The following COBL variants were observed in gnomAD, a reference collection of about 807,000 sequenced individuals.
COBL encodes cordon-bleu WH2 repeat protein.
In COBL, 51 loss-of-function variants were observed where a neutral mutation model predicts 98.8. The observed-to-expected ratio is 0.52, with a 90% CI of 0.41 to 0.65. The LOEUF (loss-of-function observed/expected upper bound fraction) is 0.65, where lower values mean the gene tolerates loss of function less well. Among genes scored for constraint, COBL ranks in the 30% least tolerant of loss-of-function variants. COBL has a pLI of 0.00. For missense variants in COBL, 1,617 were observed against 1,617.5 expected, an observed-to-expected ratio of 1.00 and a Z score of 0.01; for synonymous variants, 634 against 651.7, an observed-to-expected ratio of 0.97 and a Z score of 0.41.
Position 51,028,914 on chromosome 7 carries a change from TGGAGAG to T in COBL, c.2176_2181del (p.Leu726_Ser727del). On this transcript the variant is annotated inframe_deletion, in exon 10 of 13. Coordinates refer to ENST00000265136, the MANE Select transcript of COBL (RefSeq NM_015198.5). ...AGCTCGTCAATCTTAATGGCTCCGGTGGAGAGGGACACATCTCTGTCGTAACATCGC... is the reference window on the plus strand; with the variant it reads ...AGCTCGTCAATCTTAATGGCTCCGGTGGACACATCTCTGTCGTAACATCGC... The T allele has an allele frequency of 6.2e-7, 1 of 1,614,160 alleles. No homozygotes were observed. Among genetic ancestry groups the T allele is most frequent in the Non-Finnish European group, 8.5e-7 (1 of 1,180,018 alleles).
intron 1 of COBL, among the ~76,000 whole-genome samples, chr7:51,278,796 C>T (rs1799547959): frequency 6.6e-6 from 1 of 152,180 alleles, no homozygotes; most frequent in African/African-American, 2.4e-5. Context: ...GAAAATGACA[C>T]CAATCATCTA....
chr7:51,031,636 T>C (rs1486301408), intron 8 of COBL: 1 of 152,378 alleles, frequency 6.6e-6, no homozygotes, highest in Non-Finnish European at 1.5e-5. Flanking sequence ...ACCCTAGCAG[T>C]AGCCCACCCT....
intron 7 of COBL, among the ~76,000 whole-genome samples, chr7:51,082,834 C>T (rs1793802197): frequency 6.6e-6 from 1 of 152,208 alleles, no homozygotes. Context: ...GTGTGTTTAG[C>T]TGAAGTCTGA....
At chr7:51,192,730 A>G (rs1313379851) in intron 3 of COBL, among the ~76,000 whole-genome samples, 2 of 152,184 alleles carry the variant, frequency 1.3e-5, no homozygotes, top group Non-Finnish European at 2.9e-5. Context: ...ATGAATAAAT[A>G]TTTCTGACAT....
intron 1 of COBL, among the ~76,000 whole-genome samples, chr7:51,245,096 C>T (rs1796173279): frequency 6.6e-6 from 1 of 152,118 alleles, no homozygotes; most frequent in Admixed American, 6.5e-5. Context: ...TTCCGAAACC[C>T]GCGCCTTTAC....
At chr7:51,109,000 A>C (rs1796594943) in intron 6 of COBL, among the ~76,000 whole-genome samples, 1 of 150,492 alleles carries the variant, frequency 6.6e-6, no homozygotes, top group Admixed American at 6.6e-5. Flanking sequence ...GTTCCACTTC[A>C]ACTTCCTTTT....
At chr7:51,142,544 C>A (rs924488377) in intron 5 of COBL, among the ~76,000 whole-genome samples, 1 of 151,820 alleles carries the variant, frequency 6.6e-6, no homozygotes, top group African/African-American at 2.4e-5. Flanking sequence ...CCACCACGCC[C>A]GGCTAATTTT....
intron 1 of COBL, among the ~76,000 whole-genome samples, chr7:51,285,930 T>G (rs563226773): frequency 2.0e-5 from 3 of 152,254 alleles, no homozygotes; most frequent in East Asian, 3.9e-4. Context: ...AAGAAATAGA[T>G]CCACATAAAT....
intron 1 of COBL, among the ~76,000 whole-genome samples, chr7:51,261,238 C>T (rs762411971): frequency 2.0e-5 from 3 of 152,222 alleles, no homozygotes; most frequent in East Asian, 1.9e-4. Context: ...TTTGGCTGGG[C>T]GTGGTGGCAC....
intron 1 of COBL, among the ~76,000 whole-genome samples, chr7:51,243,620 G>A (rs1266015620): frequency 6.6e-6 from 1 of 151,952 alleles, no homozygotes; most frequent in Non-Finnish European, 1.5e-5. Flanking sequence ...GCCCAAGAAC[G>A]TTACGCTGGG....
intron 5 of COBL, among the ~76,000 whole-genome samples, chr7:51,140,253 T>C (rs1799609460): frequency 6.6e-6 from 1 of 152,148 alleles, no homozygotes; most frequent in Non-Finnish European, 1.5e-5. Flanking sequence ...CTGCTGTCAT[T>C]CAATGGATAG....
chr7:51,088,249 T>C (rs1384560333), intron 6 of COBL, among the ~76,000 whole-genome samples: 1 of 152,160 alleles, frequency 6.6e-6, no homozygotes, highest in Non-Finnish European at 1.5e-5. Flanking sequence ...TCTGTTTCTT[T>C]CTCTCTGGGA....
At chr7:51,093,143 A>G (rs1794968525) in intron 6 of COBL, among the ~76,000 whole-genome samples, 1 of 152,220 alleles carries the variant, frequency 6.6e-6, no homozygotes, top group Non-Finnish European at 1.5e-5. Flanking sequence ...ATAAAAGGCT[A>G]ATAACCAAAA....
intron 7 of COBL, among the ~76,000 whole-genome samples, chr7:51,060,591 G>A (rs1791239227): frequency 6.6e-6 from 1 of 152,158 alleles, no homozygotes; most frequent in Non-Finnish European, 1.5e-5. Context: ...TCTGAATGAT[G>A]TCCAATATAT....
At chr7:51,296,568 A>G (rs1801435083) in intron 1 of COBL, among the ~76,000 whole-genome samples, 1 of 152,172 alleles carries the variant, frequency 6.6e-6, no homozygotes, top group African/African-American at 2.4e-5. Context: ...ACAACTTAAG[A>G]TAACTTTTTT....
chr7:51,192,061 G>A (rs545394440), intron 3 of COBL, among the ~76,000 whole-genome samples: 5 of 152,300 alleles, frequency 3.3e-5, no homozygotes, highest in African/African-American at 1.2e-4. Flanking sequence ...GAAGTCAAGG[G>A]AAGACGCAAG....
At chr7:51,179,608 C>T (rs1016655638) in intron 5 of COBL, among the ~76,000 whole-genome samples, 3 of 152,152 alleles carry the variant, frequency 2.0e-5, no homozygotes, top group African/African-American at 7.2e-5. Flanking sequence ...TGTGTCTTGA[C>T]ATAAACAGTA....
At chr7:51,022,393 C>G (rs1257287328) in intron 12 of COBL, among the ~76,000 whole-genome samples, 1 of 152,204 alleles carries the variant, frequency 6.6e-6, no homozygotes, top group African/African-American at 2.4e-5. Flanking sequence ...GCCCGGCTCC[C>G]GCCCTGGCTA....
intron 5 of COBL, among the ~76,000 whole-genome samples, chr7:51,153,811 T>A (rs1476976068): frequency 6.6e-6 from 1 of 152,192 alleles, no homozygotes; most frequent in Non-Finnish European, 1.5e-5. Context: ...GTGATTCCAA[T>A]ATCAGTGCTG....
Sources: allele counts gnomAD v4.1 joint callset (sites outside exome capture counted in the v4.1 genomes callset), GRCh38; gene constraint gnomAD v4.1.1; transcripts MANE v1.5; gene names NCBI Gene and HGNC (gene_info 2026-07-23, HGNC 2026-07-21).